FAT4: variants seen among roughly 807,000 people sequenced by gnomAD.
FAT4 encodes the protein FAT atypical cadherin 4, also known as protocadherin Fat 4.
Under a neutral mutation model 303.9 loss-of-function variants are expected in FAT4, and 84 were observed. The ratio of observed to expected loss-of-function variants is 0.28; its 90% CI spans 0.23 to 0.33. FAT4 has a LOEUF of 0.33. Ranked by LOEUF, FAT4 falls within the 10% of genes least tolerant of loss-of-function variation. The pLI is 1.00. For synonymous variants in FAT4, 2,307 were observed against 2,298.8 expected (o/e 1.00, Z -0.10); for missense variants, 6,005 against 6,146.8 (o/e 0.98, Z 0.77).
Position 125,319,780 on chromosome 4 carries a change from T to C in FAT4, c.3369T>C (p.Ser1123=). 1 of 1,614,210 alleles carries C rather than the reference T, an allele frequency of 6.2e-7. No individual in the cohort carries two copies. Among genetic ancestry groups the C allele is most frequent in the Non-Finnish European group, 8.5e-7 (1 of 1,180,024 alleles). Reference sequence around the variant, plus strand: ...CTGGGTCGTTTGTGGGCAAAGTAAGTGCTGTAGATAAAGACTTTGGGCCAA... The same window carrying C: ...CTGGGTCGTTTGTGGGCAAAGTAAGCGCTGTAGATAAAGACTTTGGGCCAA... ...QRAGSFVGKV[S]AVDKDFGPNG... The change falls in exon 2 of 18, where the codon AGT becomes AGC. Residue 1123 remains serine, a synonymous_variant. Transcript: ENST00000394329.
chr4:125,316,334 C>T lies in FAT4; in HGVS notation c.-12-66C>T. 6.6e-7 allele frequency: 1 copy of T among 1,508,542 alleles called. No individual in the cohort carries two copies. 93.4% of individuals were successfully genotyped at this position (1,508,542 alleles called of 1,614,324 possible). ...CGTCAGCTGAATCTTTGCTGGCGCT[C>T]CTTAATCCCTGTAAATATCATTGCG... On this transcript the variant is annotated intron_variant, in intron 1 of 17. Transcript: ENST00000394329. This position sits in a 1 kb window ranked among gnomAD's most constrained non-coding sequence, Gnocchi z 5.7.
chr4:125,383,531 A>G (rs915380673), intron 2 of FAT4, among the ~76,000 whole-genome samples: 5 of 138,520 alleles, frequency 3.6e-5, no homozygotes, highest in South Asian at 2.3e-4. Context: ...CTTAATAATG[A>G]AAAAGTTTGA....
intron 5 of FAT4, 147 bp downstream of exon 5, chr4:125,408,941 T>C (rs1190118640): frequency 9.2e-6 from 4 of 434,840 alleles, no homozygotes; most frequent in African/African-American, 6.1e-5. Flanking sequence ...AACTGAACTG[T>C]AGAGGATTTT....
At chr4:125,487,229 T>C (rs1727439448) in intron 16 of FAT4, 116 bp from the exon 17 acceptor site, 2 of 828,608 alleles carry the variant, frequency 2.4e-6, no homozygotes, top group Admixed American at 2.9e-5. Flanking sequence ...ACAACCAGAT[T>C]CTTCAGCTAT....
rs372060616 is a variant in FAT4, at chr4:125,319,476, A to G, written c.3065A>G (p.Asp1022Gly). Residue 1022 changes from aspartate (D) to glycine (G), a missense_variant, in exon 2 of 18, where the codon GAT becomes GGT. Asp to Gly is a moderately conservative substitution (Grantham distance 94, BLOSUM62 -1). Transcript: ENST00000394329. ...NSRFFKVQAS[D>G]KDSGANGEIA... The stretch of plus-strand genomic sequence containing the variant: ...CGATTCTTTAAAGTACAAGCTTCTG[A>G]TAAGGATTCAGGAGCAAATGGTGAA... 6.2e-7 allele frequency: 1 copy of G among 1,613,912 alleles called. No homozygotes were observed. Among genetic ancestry groups the G allele is most frequent in the Non-Finnish European group, 8.5e-7 (1 of 1,179,810 alleles).
At chr4:125,475,803 A>G (rs1250419331) in intron 12 of FAT4, among the ~76,000 whole-genome samples, 1 of 152,174 alleles carries the variant, frequency 6.6e-6, no homozygotes, top group East Asian at 1.9e-4. Flanking sequence ...GCTTGACAGT[A>G]CAATAAACAC....
At chr4:125,382,216 T>C (rs1360803498) in intron 2 of FAT4, among the ~76,000 whole-genome samples, 1 of 152,188 alleles carries the variant, frequency 6.6e-6, no homozygotes, top group Non-Finnish European at 1.5e-5. Flanking sequence ...GTGAATTCTT[T>C]CCAAGTTTTC....
Position 125,320,952 on chromosome 4 carries a change from A to G in FAT4, c.4541A>G (p.Asn1514Ser), listed in dbSNP as rs1490038990. Residue 1514 changes from asparagine (N) to serine (S), a missense_variant, in exon 2 of 18, where the codon AAC becomes AGC. Asn to Ser is a conservative substitution (Grantham distance 46). Coordinates refer to ENST00000394329, the MANE Select transcript of FAT4 (RefSeq NM_001291303.3). ...PIETRRYALK[N>S]VTILVTDLND... is the part of the protein sequence containing the mutation. ...GAAACTAGACGGTATGCTTTGAAGA[A>G]CGTGACCATTTTGGTTACAGACCTC... The G allele has an allele frequency of 6.8e-6, 11 of 1,614,234 alleles. No homozygotes were observed. The highest frequency in any genetic ancestry group is 9.3e-6 in the Non-Finnish European group (11 of 1,180,030).
intron 2 of FAT4, among the ~76,000 whole-genome samples, chr4:125,348,900 T>C (rs1732107882): frequency 6.6e-6 from 1 of 151,832 alleles, no homozygotes; most frequent in African/African-American, 2.4e-5. Context: ...CTAAGAGTTC[T>C]CTATAGTTAA....
In FAT4 at chr4:125,317,270, T is replaced by A; in HGVS notation, c.859T>A (p.Tyr287Asn). 1 of 1,582,606 alleles carries A rather than the reference T, an allele frequency of 6.3e-7. No homozygotes were observed. Among genetic ancestry groups the A allele is most frequent in the Non-Finnish European group, 8.6e-7 (1 of 1,162,086 alleles). ...ADEGTNADIR[Y>N]RLQDEGTPFQ... Reference sequence around the variant, plus strand: ...CGAGGGCACCAACGCGGACATCCGCTATCGCCTGCAGGACGAGGGGACCCC... The same window carrying A: ...CGAGGGCACCAACGCGGACATCCGCAATCGCCTGCAGGACGAGGGGACCCC... Residue 287 changes from tyrosine to asparagine, a missense_variant, in exon 2 of 18, where the codon TAT (tyrosine) becomes AAT (asparagine). Tyr to Asn is a moderately radical substitution (Grantham distance 143). Transcript: ENST00000394329. The surrounding 1 kb of genome is among the most constrained non-coding windows in gnomAD (Gnocchi z 7.0).
Position 125,371,768 on chromosome 4 carries a change from T to A in FAT4, c.5176-27016T>A, listed in dbSNP as rs1280512896. Among the ~76,000 whole-genome samples the A allele has an allele frequency of 2.6e-5, 4 of 151,242 alleles. No homozygotes were observed. In the East Asian group the frequency reaches 7.8e-4, roughly 29 times the overall value. On this transcript the variant is annotated intron_variant, in intron 2 of 17. Coordinates refer to ENST00000394329, the MANE Select transcript of FAT4 (RefSeq NM_001291303.3). ...ATAAATTGAATAATTACAGATAGAGTTTTTTGTGAATAAAACTGAACAAAG... is the reference window on the plus strand; with the variant it reads ...ATAAATTGAATAATTACAGATAGAGATTTTTGTGAATAAAACTGAACAAAG...
intron 10 of FAT4, among the ~76,000 whole-genome samples, chr4:125,461,197 G>A (rs1313696500): frequency 6.6e-6 from 1 of 151,924 alleles, no homozygotes; most frequent in Non-Finnish European, 1.5e-5. Flanking sequence ...AAACTCAGAT[G>A]TCTATGTTAA....
intron 2 of FAT4, among the ~76,000 whole-genome samples, chr4:125,334,600 T>C (rs1252304025): frequency 2.6e-5 from 4 of 152,344 alleles, no homozygotes; most frequent in African/African-American, 7.2e-5. Flanking sequence ...TTTGAGATGT[T>C]TGACAGTTTC....
Position 125,327,807 on chromosome 4 carries a change from A to C in FAT4, c.5175+6221A>C, listed in dbSNP as rs529006498. Among the ~76,000 whole-genome samples the C allele has an allele frequency of 3.2e-4, 49 of 152,274 alleles. No homozygotes were observed. The East Asian group carries it at 4.1e-3, about 13-fold the overall frequency. On this transcript the variant is annotated intron_variant, in intron 2 of 17. Transcript: ENST00000394329. ...AATCTGCTCTAGGAATAGTTTTGAA[A>C]AATAGTTATTTACTTAGAATTTTGT...
chr4:125,328,970 T>C (rs1325574705), intron 2 of FAT4, among the ~76,000 whole-genome samples: 5 of 65,216 alleles, frequency 7.7e-5, no homozygotes, highest in Non-Finnish European at 1.5e-4. Flanking sequence ...TTCATGTTAA[T>C]GATGAAAAAA....
At chr4:125,476,568 C>G (rs1727035478) in intron 13 of FAT4, among the ~76,000 whole-genome samples, 1 of 152,138 alleles carries the variant, frequency 6.6e-6, no homozygotes, top group Admixed American at 6.5e-5. Context: ...ATAAAGACCT[C>G]AGTTCTTTCA....
chr4:125,345,389 C>T (rs999997285), intron 2 of FAT4, among the ~76,000 whole-genome samples: 1 of 150,786 alleles, frequency 6.6e-6, no homozygotes, highest in Non-Finnish European at 1.5e-5. Context: ...AGGTTTCTTT[C>T]CTTGTTAACT....
In FAT4 at chr4:125,372,818, A is replaced by T. The variant is rs962430971; in HGVS notation, c.5176-25966A>T. Among the ~76,000 whole-genome samples, 7 of 152,320 alleles carry T rather than the reference A, an allele frequency of 4.6e-5. No individual in the cohort carries two copies. The East Asian group carries it at 1.4e-3, about 29-fold the overall frequency. On this transcript the variant is annotated intron_variant, in intron 2 of 17. Coordinates refer to ENST00000394329, the MANE Select transcript of FAT4 (RefSeq NM_001291303.3). ...GAAAATATGATATTCATCATTGTAG[A>T]CATGGAAATAAAAGTTAAGAAAAGT...
In FAT4 at chr4:125,318,785, G is replaced by C; in HGVS notation, c.2374G>C (p.Val792Leu). The C allele has an allele frequency of 6.2e-7, 1 of 1,614,200 alleles. No homozygotes were observed. Among genetic ancestry groups the C allele is most frequent in the Non-Finnish European group, 8.5e-7 (1 of 1,180,036 alleles). The part of the protein sequence containing the change: ...TVLDTQDNPP[V>L]FSQVAYSFVV... ...ATTGGACACTCAAGACAACCCACCT[G>C]TATTCAGTCAGGTTGCCTACAGCTT... Residue 792 changes from valine (V) to leucine (L), a missense_variant, in exon 2 of 18, where the codon GTA becomes CTA. By Grantham distance (32) the Val-to-Leu change is conservative. Coordinates refer to ENST00000394329, the MANE Select transcript of FAT4 (RefSeq NM_001291303.3).
Sources: allele counts gnomAD v4.1 joint callset (sites outside exome capture counted in the v4.1 genomes callset), GRCh38; gene constraint gnomAD v4.1.1; non-coding constraint Gnocchi (gnomAD v3.1); transcripts MANE v1.5; gene names NCBI Gene and HGNC (gene_info 2026-07-23, HGNC 2026-07-21).